ACSBG1: variants seen among roughly 807,000 people sequenced by gnomAD.
ACSBG1 encodes acyl-CoA synthetase bubblegum family member 1.
Under a neutral mutation model 80.2 loss-of-function variants are expected in ACSBG1, and 39 were observed. The observed-to-expected ratio is 0.49, with a 90% CI of 0.38 to 0.64. ACSBG1 has a LOEUF of 0.64. Among genes scored for constraint, ACSBG1 ranks in the 30% least tolerant of loss-of-function variants. The pLI, the probability that ACSBG1 is intolerant of heterozygous loss-of-function variation, is 0.00. For synonymous variants in ACSBG1, 392 were observed against 379.5 expected (o/e 1.03, Z -0.38); for missense variants, 828 against 966.4 (o/e 0.86, Z 1.90).
At chr15:78,212,679 C>T (rs571913786) in intron 1 of ACSBG1, 77 of 443,018 alleles carry the variant, frequency 1.7e-4, no homozygotes, top group Middle Eastern at 4.0e-4. Flanking sequence ...GGAGTCCCCC[C>T]GGGAGAGCCA....
intron 1 of ACSBG1, among the ~76,000 whole-genome samples, chr15:78,233,361 C>A (rs989048394): frequency 2.0e-5 from 3 of 152,216 alleles, no homozygotes; most frequent in Non-Finnish European, 2.9e-5. Flanking sequence ...TTCCCTCTAT[C>A]TTCCTTCCCC....
chr15:78,189,589 A>G (rs1176509985), intron 5 of ACSBG1, among the ~76,000 whole-genome samples: 2 of 151,610 alleles, frequency 1.3e-5, no homozygotes, highest in Non-Finnish European at 2.9e-5. Flanking sequence ...ACCAAACACC[A>G]CATACTCTCA....
rs554180639 is a variant in ACSBG1, at chr15:78,231,978, G to A, written c.131+2393C>T. Among the ~76,000 whole-genome samples, 4 of 152,312 alleles carry A rather than the reference G, an allele frequency of 2.6e-5. No individual in the cohort carries two copies. The South Asian group carries it at 8.3e-4, about 32-fold the overall frequency. On this transcript the variant is annotated intron_variant, in intron 1 of 13. Coordinates refer to ENST00000258873, the MANE Select transcript of ACSBG1 (RefSeq NM_015162.5). ...ATGTCAGAGCAGGTTTAGCTTCCCT[G>A]TTTGACAGATGGGGAAACTGAGGCT...
chr15:78,168,564 A>AT lies in ACSBG1; in HGVS notation c.*2879dup, dbSNP rs1453633455. On this transcript the variant is annotated 3_prime_UTR_variant, in exon 14 of 14. Transcript: ENST00000258873. The stretch of plus-strand genomic sequence containing the variant: ...TATTCCTGAGACATATTTCCCAAGG[A>AT]TTTTTATGAAACTTCTTATTTAGAT... 3.7e-5 allele frequency: 6 copies of AT among 162,382 alleles called. No homozygotes were observed. In the East Asian group the frequency reaches 8.6e-4, roughly 23 times the overall value. The allele number at this position is 162,382 out of a possible 1,614,324, so 10.1% of individuals were successfully genotyped here. A position where few individuals can be genotyped will look rare whatever the true frequency, so the allele number is the denominator to read the frequency against.
At chr15:78,211,933 C>A (rs569033440) in intron 1 of ACSBG1, among the ~76,000 whole-genome samples, 1 of 152,340 alleles carries the variant, frequency 6.6e-6, no homozygotes, top group Non-Finnish European at 1.5e-5. Context: ...TGATTCAGCT[C>A]TGTCCTCTGG....
intron 5 of ACSBG1, among the ~76,000 whole-genome samples, chr15:78,189,200 G>A (rs1418176397): frequency 6.7e-6 from 1 of 150,274 alleles, no homozygotes; most frequent in Non-Finnish European, 1.5e-5. Flanking sequence ...TGGAGAAATA[G>A]GAACACTTTT....
chr15:78,188,190 G>A (rs2075023538), intron 5 of ACSBG1, among the ~76,000 whole-genome samples: 3 of 152,068 alleles, frequency 2.0e-5, no homozygotes, highest in Admixed American at 2.0e-4. Context: ...ACAAACAAAT[G>A]GAAGAACATT....
At chr15:78,216,039 C>T (rs2075309760) in intron 1 of ACSBG1, among the ~76,000 whole-genome samples, 1 of 152,212 alleles carries the variant, frequency 6.6e-6, no homozygotes, top group South Asian at 2.1e-4. Flanking sequence ...TCCCAAGGCA[C>T]TCAGCATTTA....
chr15:78,182,979 G>A (rs2074964567), intron 5 of ACSBG1, 194 bp from the exon 6 acceptor site: 3 of 618,988 alleles, frequency 4.8e-6, no homozygotes, highest in East Asian at 5.5e-5. Context: ...GTAAAGGTGG[G>A]GATAGCCAGG....
At chr15:78,223,258 G>C (rs1256021384) in intron 1 of ACSBG1, among the ~76,000 whole-genome samples, 2 of 112,694 alleles carry the variant, frequency 1.8e-5, no homozygotes, top group Non-Finnish European at 1.7e-5. Flanking sequence ...AGAGCACATG[G>C]ACATAGGGAG....
intron 2 of ACSBG1, among the ~76,000 whole-genome samples, chr15:78,199,027 A>G (rs1427903374): frequency 3.3e-5 from 5 of 152,152 alleles, no homozygotes. Context: ...CTTTAGACAC[A>G]TGGCCCTTGG....
At chr15:78,181,288 G>A (rs1272607281) in intron 8 of ACSBG1, among the ~76,000 whole-genome samples, 2 of 152,104 alleles carry the variant, frequency 1.3e-5, no homozygotes, top group South Asian at 2.1e-4. Flanking sequence ...AGATGCTGGT[G>A]GAGGGAAACT....
chr15:78,170,665 C>G lies in ACSBG1; in HGVS notation c.*779G>C, dbSNP rs1204222594. On this transcript the variant is annotated 3_prime_UTR_variant, in exon 14 of 14. Coordinates refer to ENST00000258873, the MANE Select transcript of ACSBG1 (RefSeq NM_015162.5). ...AGTGGGGTGGTCTGGTGGCGACAGG[C>G]TAACGTAGAGCTGGCTGCTTTTATG... The G allele has an allele frequency of 4.7e-5, 7 of 149,318 alleles. No homozygotes were observed. The East Asian group carries it at 1.2e-3, about 25-fold the overall frequency. 9.2% of individuals were successfully genotyped at this position (149,318 alleles called of 1,614,324 possible).
intron 1 of ACSBG1, among the ~76,000 whole-genome samples, chr15:78,208,376 C>A (rs1002130796): frequency 6.6e-6 from 1 of 152,134 alleles, no homozygotes. Flanking sequence ...CTGTGCTCTA[C>A]TTTGTGGTGT....
chr15:78,194,042 G>A, intron 3 of ACSBG1, 22 bp from the exon 4 acceptor site: 1 of 1,612,808 alleles, frequency 6.2e-7, no homozygotes, highest in Non-Finnish European at 8.5e-7. Flanking sequence ...AGGCAGACAG[G>A]CCAGGTCAGC....
chr15:78,231,643 A>G (rs1379734336), intron 1 of ACSBG1, among the ~76,000 whole-genome samples: 1 of 152,016 alleles, frequency 6.6e-6, no homozygotes, highest in Non-Finnish European at 1.5e-5. Context: ...TCCAGGCTAG[A>G]GTACAGTGGT....
At position 78,178,584 on chromosome 15, in the gene ACSBG1, G is replaced by A. The variant is rs1371372216; in HGVS notation, c.1702+30C>T. 3.8e-6 allele frequency: 6 copies of A among 1,578,226 alleles called. No homozygotes were observed. Among genetic ancestry groups the A allele is most frequent in the Non-Finnish European group, 1.7e-6 (2 of 1,163,312 alleles). ...CCCAAAGTGCTGGGATTACAGGCAT[G>A]AGCCACCGTGCCTGGCCTGGGGTGC... On this transcript the variant is annotated intron_variant, in intron 11 of 13. Transcript: ENST00000258873. This position sits in a 1 kb window ranked among gnomAD's most constrained non-coding sequence, Gnocchi z 4.3.
At chr15:78,228,352 C>G (rs541752159) in intron 1 of ACSBG1, among the ~76,000 whole-genome samples, 1 of 152,296 alleles carries the variant, frequency 6.6e-6, no homozygotes, top group Admixed American at 6.5e-5. Context: ...GTGAGTTCCC[C>G]TTCCCTAGAG....
In ACSBG1 at chr15:78,194,493, G is replaced by A. The variant is rs867038505; in HGVS notation, c.453+13C>T. On this transcript the variant is annotated intron_variant, in intron 3 of 13. Coordinates refer to ENST00000258873, the MANE Select transcript of ACSBG1 (RefSeq NM_015162.5). ...GGGGAGGGGCAAGGCCTTGCCATGA[G>A]GGGCCCCCTTACCTTCAGGAAGCCC... is the stretch of plus-strand genomic sequence containing the variant. 2 of 1,613,454 alleles carry A rather than the reference G, an allele frequency of 1.2e-6. No individual in the cohort carries two copies. The highest frequency in any genetic ancestry group is 1.7e-6 in the Non-Finnish European group (2 of 1,179,578).
Sources: allele counts gnomAD v4.1 joint callset (sites outside exome capture counted in the v4.1 genomes callset), GRCh38; gene constraint gnomAD v4.1.1; non-coding constraint Gnocchi (gnomAD v3.1); transcripts MANE v1.5; gene names NCBI Gene and HGNC (gene_info 2026-07-23, HGNC 2026-07-21).